Variants in SUPT3H observed in about 807,000 individuals in gnomAD.
SUPT3H encodes the protein transcription initiation protein SPT3 homolog.
Under a neutral mutation model 44.3 loss-of-function variants are expected in SUPT3H, and 44 were observed. That is an observed-to-expected ratio of 0.99 (90% confidence interval 0.78 to 1.28). SUPT3H has a LOEUF of 1.28. Ranked by LOEUF, SUPT3H falls within the 50% of genes most tolerant of loss-of-function variation. The probability of loss-of-function intolerance (pLI) is 0.00; values close to 1 mark genes in which losing one functional copy is unlikely to be tolerated. For missense variants in SUPT3H, 380 were observed against 387.1 expected, an observed-to-expected ratio of 0.98 and a Z score of 0.15; for synonymous variants, 124 against 125.6, an observed-to-expected ratio of 0.99 and a Z score of 0.09.
At chr6:44,946,070 TA>T (rs1355159418) in intron 9 of SUPT3H, among the ~76,000 whole-genome samples, 1 of 152,198 alleles carries the variant, frequency 6.6e-6, no homozygotes, top group African/African-American at 2.4e-5. Context: ...GCTTATGCTC[TA>T]TAAGTGGAAC....
chr6:45,322,626 A>C (rs762289725), intron 2 of SUPT3H, among the ~76,000 whole-genome samples: 24 of 152,144 alleles, frequency 1.6e-4, no homozygotes, highest in Non-Finnish European at 4.4e-5. Context: ...AGCATAAGTT[A>C]TACACAAGGC....
At chr6:45,283,340 C>T (rs916777408) in intron 2 of SUPT3H, among the ~76,000 whole-genome samples, 2 of 152,088 alleles carry the variant, frequency 1.3e-5, no homozygotes, top group African/African-American at 2.4e-5. Flanking sequence ...TCAGGAAACC[C>T]ACCTCACGTG....
intron 10 of SUPT3H, among the ~76,000 whole-genome samples, chr6:44,837,856 T>C (rs1180111025): frequency 6.6e-6 from 1 of 152,230 alleles, no homozygotes; most frequent in East Asian, 1.9e-4. Flanking sequence ...CTTGGTTTTG[T>C]AGTCATGTTA....
At chr6:45,207,761 C>A (rs1204657091) in intron 2 of SUPT3H, among the ~76,000 whole-genome samples, 15 of 152,092 alleles carry the variant, frequency 9.9e-5, no homozygotes, top group Admixed American at 9.8e-4. Flanking sequence ...TATAAAATAG[C>A]AAATTTAATT....
At chr6:44,878,399 T>C (rs1777642464) in intron 10 of SUPT3H, among the ~76,000 whole-genome samples, 1 of 152,156 alleles carries the variant, frequency 6.6e-6, no homozygotes, top group Non-Finnish European at 1.5e-5. Flanking sequence ...TCTCCTATCA[T>C]AAATCGTGAG....
Position 44,961,811 on chromosome 6 carries a change from A to T in SUPT3H, c.522T>A (p.Thr174=). 1 of 1,607,666 alleles carries T rather than the reference A, an allele frequency of 6.2e-7. No individual in the cohort carries two copies. The highest frequency in any genetic ancestry group is 8.5e-7 in the Non-Finnish European group (1 of 1,177,926). The stretch of plus-strand genomic sequence containing the variant: ...CATATTGAGCTGAATCCATAATTCG[A>T]GTTTGTCTTTCTGCTCTCTAAAAGA... ...QERMERAERQ[T]RIMDSAQYAE... The change falls in exon 7 of 11, where the codon ACT becomes ACA. Residue 174 remains threonine, a synonymous_variant. Transcript: ENST00000371459.
intron 3 of SUPT3H, among the ~76,000 whole-genome samples, chr6:45,052,417 T>C (rs184631715): frequency 1.3e-4 from 20 of 152,312 alleles, no homozygotes; most frequent in African/African-American, 2.2e-4. Flanking sequence ...CCAAGTTACA[T>C]TGAAAGGTTT....
intron 3 of SUPT3H, among the ~76,000 whole-genome samples, chr6:45,027,935 C>T (rs1786282713): frequency 6.6e-6 from 1 of 152,158 alleles, no homozygotes; most frequent in Admixed American, 6.5e-5. Flanking sequence ...TGTGACTTTT[C>T]CCCTAGTCTG....
chr6:44,970,727 C>T (rs1416303001), intron 6 of SUPT3H, among the ~76,000 whole-genome samples: 1 of 152,116 alleles, frequency 6.6e-6, no homozygotes, highest in African/African-American at 2.4e-5. Context: ...CTTTACAGTA[C>T]AGCAAGCATA....
chr6:44,843,927 G>GCACGCA (rs1046367976), intron 10 of SUPT3H, among the ~76,000 whole-genome samples: 77 of 148,106 alleles, frequency 5.2e-4, no homozygotes, highest in African/African-American at 1.8e-3. Context: ...ACACACACAC[G>GCACGCA]CACACACACA....
At chr6:45,016,426 A>G (rs1358403010) in intron 4 of SUPT3H, among the ~76,000 whole-genome samples, 2 of 151,214 alleles carry the variant, frequency 1.3e-5, no homozygotes, top group African/African-American at 4.9e-5. Flanking sequence ...TACATGTGCC[A>G]TGCTGGTGTG....
At chr6:45,158,563 T>C (rs1808399838) in intron 2 of SUPT3H, among the ~76,000 whole-genome samples, 1 of 151,518 alleles carries the variant, frequency 6.6e-6, no homozygotes, top group Non-Finnish European at 1.5e-5. Context: ...ATAACACTCT[T>C]CTAGATCAGA....
At chr6:45,010,625 A>C (rs1783350325) in intron 5 of SUPT3H, among the ~76,000 whole-genome samples, 2 of 152,180 alleles carry the variant, frequency 1.3e-5, no homozygotes, top group Admixed American at 1.3e-4. Context: ...GGCCTGCTTC[A>C]TGGCTTACAG....
rs1194423160 is a variant in SUPT3H at position 45,130,712 on chromosome 6, CT to C, written c.102-24707del. ...AAAAAAAAAACAAAAAAAAAAACCA[CT>C]TTTTTTTTTTTTTTTTTTTTTCAGA... On this transcript the variant is annotated intron_variant, in intron 2 of 10. Coordinates refer to ENST00000371459, the MANE Select transcript of SUPT3H (RefSeq NM_003599.4). Among the ~76,000 whole-genome samples the C allele has an allele frequency of 3.3e-3, 294 of 88,600 alleles. 5 individuals carry two copies. Among genetic ancestry groups the C allele is most frequent in the African/African-American group, 0.013 (252 of 19,526 alleles). 58.1% of individuals were successfully genotyped at this position (88,600 alleles called of 152,430 possible). A position where few individuals can be genotyped will look rare whatever the true frequency, so the allele number is the denominator to read the frequency against.
chr6:44,901,425 G>A (rs554237642), intron 10 of SUPT3H, among the ~76,000 whole-genome samples: 1 of 152,326 alleles, frequency 6.6e-6, no homozygotes, highest in Non-Finnish European at 1.5e-5. Flanking sequence ...GGGTATCAGT[G>A]ATGGAAGATC....
intron 2 of SUPT3H, among the ~76,000 whole-genome samples, chr6:45,329,261 T>C (rs905444205): frequency 2.6e-5 from 4 of 151,978 alleles, no homozygotes; most frequent in African/African-American, 9.7e-5. Flanking sequence ...AACACAGAAA[T>C]AAACCTGTAG....
intron 2 of SUPT3H, among the ~76,000 whole-genome samples, chr6:45,158,298 A>ATATATATATATATATTTTTTT: frequency 2.0e-5 from 2 of 99,694 alleles, no homozygotes; most frequent in African/African-American, 1.0e-4. Context: ...ATATATATAT[A>ATATATATATATATATTTTTTT]TTTTTTTTTT....
chr6:44,882,686 C>T (rs1029134189), intron 10 of SUPT3H, among the ~76,000 whole-genome samples: 1 of 152,146 alleles, frequency 6.6e-6, no homozygotes, highest in Admixed American at 6.5e-5. Flanking sequence ...GCTTATCCAC[C>T]ACGATCACGT....
chr6:45,364,114 C>CA (rs11333292), intron 2 of SUPT3H, among the ~76,000 whole-genome samples: 53 of 143,742 alleles, frequency 3.7e-4, no homozygotes, highest in East Asian at 2.1e-3. Flanking sequence ...GACTCTGTCT[C>CA]AAAAAAAAAA....
Sources: allele counts gnomAD v4.1 joint callset (sites outside exome capture counted in the v4.1 genomes callset), GRCh38; gene constraint gnomAD v4.1.1; transcripts MANE v1.5; gene names NCBI Gene and HGNC (gene_info 2026-07-23, HGNC 2026-07-21).